The following TXNRD2 variants were observed in gnomAD, a reference collection of about 807,000 sequenced individuals.
TXNRD2 encodes thioredoxin reductase 2, mitochondrial.
Under a neutral mutation model 70.8 loss-of-function variants are expected in TXNRD2, and 67 were observed. The ratio of observed to expected loss-of-function variants is 0.95; its 90% CI spans 0.78 to 1.16. The LOEUF (loss-of-function observed/expected upper bound fraction) is 1.16. Among genes scored for constraint, TXNRD2 ranks in the 50% most tolerant of loss-of-function variants. TXNRD2 has a pLI of 0.00. For synonymous variants in TXNRD2, 301 were observed against 295.8 expected (o/e 1.02, Z -0.18); for missense variants, 644 against 719.9 (o/e 0.89, Z 1.21).
intron 2 of TXNRD2, among the ~76,000 whole-genome samples, chr22:19,920,968 G>A (rs184191789): frequency 4.9e-4 from 75 of 151,654 alleles, no homozygotes; most frequent in Admixed American, 1.0e-3. Context: ...TTAGTTGGGC[G>A]TGGTGGCAGG....
At chr22:19,916,663 ATCT>A (rs370028979) in intron 5 of TXNRD2, among the ~76,000 whole-genome samples, 5 of 138,512 alleles carry the variant, frequency 3.6e-5, no homozygotes, top group Middle Eastern at 4.1e-3. Context: ...TTTTAAAGAC[ATCT>A]TCTCACTCTG....
At chr22:19,933,730 G>GGT (rs1941447229) in intron 1 of TXNRD2, among the ~76,000 whole-genome samples, 1 of 152,200 alleles carries the variant, frequency 6.6e-6, no homozygotes, top group South Asian at 2.1e-4. Context: ...GTACCTCAAA[G>GGT]GTGGGTAGGG....
chr22:19,929,113 G>T (rs536518159), intron 2 of TXNRD2, among the ~76,000 whole-genome samples: 1 of 151,922 alleles, frequency 6.6e-6, no homozygotes, highest in Admixed American at 6.6e-5. Flanking sequence ...GGATCATGAG[G>T]TCAGGAGATT....
rs34776119 is a variant in TXNRD2 at position 19,918,345 on chromosome 22, G to T, written c.375-128C>A. The T allele has an allele frequency of 0.053, 46,028 of 868,078 alleles. 1,405 individuals carry two copies. The highest frequency in any genetic ancestry group is 0.064 in the Non-Finnish European group (35,025 of 545,672). 53.8% of individuals were successfully genotyped at this position (868,078 alleles called of 1,614,324 possible). The stretch of plus-strand genomic sequence containing the variant: ...AAAAAACAAGAGTGCTTTTAAAGGT[G>T]GCAAAACGTGACATCCATCCCTACG... On this transcript the variant is annotated intron_variant, in intron 4 of 17. Coordinates refer to ENST00000400521, the MANE Select transcript of TXNRD2 (RefSeq NM_006440.5).
chr22:19,937,691 T>C (rs971150713), intron 1 of TXNRD2, among the ~76,000 whole-genome samples: 2 of 152,254 alleles, frequency 1.3e-5, no homozygotes, highest in Non-Finnish European at 2.9e-5. Context: ...AACTTGGTCA[T>C]ACCCAAAAAA....
rs867293022 is a variant in TXNRD2 at position 19,904,448 on chromosome 22, A to C, written c.663-5380T>G. 3.3e-5 allele frequency among the ~76,000 whole-genome samples: 5 copies of C among 152,222 alleles called. No individual in the cohort carries two copies. The South Asian group carries it at 6.2e-4, about 19-fold the overall frequency. On this transcript the variant is annotated intron_variant, in intron 8 of 17. Coordinates refer to ENST00000400521, the MANE Select transcript of TXNRD2 (RefSeq NM_006440.5). ...GGCTCCCTAAGACCTGGATGCAAAC[A>C]AAGGAGGAAGGGGGCTCCCAACTTG...
At chr22:19,932,475 CA>C in intron 1 of TXNRD2, 5 of 1,592,878 alleles carry the variant, frequency 3.1e-6, no homozygotes, top group Non-Finnish European at 1.7e-6. Context: ...AAGGGGCAGC[CA>C]AAAAAGGGAG....
chr22:19,896,415 C>T (rs950017874), intron 10 of TXNRD2, among the ~76,000 whole-genome samples: 5 of 152,200 alleles, frequency 3.3e-5, no homozygotes, highest in African/African-American at 4.8e-5. Flanking sequence ...GGCAGAGAAG[C>T]GTGCCTTCCC....
intron 1 of TXNRD2, among the ~76,000 whole-genome samples, chr22:19,941,004 C>G (rs1569120647): frequency 6.6e-6 from 1 of 152,222 alleles, no homozygotes; most frequent in African/African-American, 2.4e-5. Flanking sequence ...CCCCTCTACA[C>G]TCACTGCCTG....
rs1938869540 is a variant in TXNRD2, at chr22:19,883,324, C to T, written c.1086+1G>A. 1 of 1,613,384 alleles carries T rather than the reference C, an allele frequency of 6.2e-7. No homozygotes were observed. Among genetic ancestry groups the T allele is most frequent in the Non-Finnish European group, 8.5e-7 (1 of 1,179,822 alleles). Reference sequence around the variant, plus strand: ...CCCTGGTCCCGGGACGCATGCCGTACCTCCACCACGTCACCAATGGCGTAG... The same window carrying T: ...CCCTGGTCCCGGGACGCATGCCGTATCTCCACCACGTCACCAATGGCGTAG... On this transcript the variant is annotated splice_donor_variant, in intron 12 of 17. Coordinates refer to ENST00000400521, the MANE Select transcript of TXNRD2 (RefSeq NM_006440.5). LOFTEE classifies it high-confidence loss of function.
chr22:19,918,303 A>C, intron 4 of TXNRD2, 86 bp from the exon 5 acceptor site: 1 of 1,189,822 alleles, frequency 8.4e-7, no homozygotes, highest in Non-Finnish European at 1.2e-6. Context: ...TTCAAATGGT[A>C]CATTCATAGA....
chr22:19,892,946 T>C (rs1425396741), intron 11 of TXNRD2, among the ~76,000 whole-genome samples: 1 of 152,234 alleles, frequency 6.6e-6, no homozygotes, highest in African/African-American at 2.4e-5. Flanking sequence ...GCTGAGAACA[T>C]TGCTCTTGCT....
intron 8 of TXNRD2, 34 bp downstream of exon 8, chr22:19,911,343 A>G: frequency 6.3e-7 from 1 of 1,575,476 alleles, no homozygotes; most frequent in Non-Finnish European, 8.7e-7. Flanking sequence ...TGGTGAACAA[A>G]AAGAGGACCC....
chr22:19,914,316 A>G (rs1940538601), intron 7 of TXNRD2, among the ~76,000 whole-genome samples: 1 of 152,244 alleles, frequency 6.6e-6, no homozygotes, highest in Admixed American at 6.5e-5. Flanking sequence ...CAGCGGCACT[A>G]TTCATAATAG....
At chr22:19,911,520 C>T (rs1212125226) in intron 7 of TXNRD2, 73 bp from the exon 8 acceptor site, 95 of 1,177,656 alleles carry the variant, frequency 8.1e-5, no homozygotes, top group Middle Eastern at 4.8e-4. Context: ...AAAGAGGATG[C>T]CAGCTTTGCA....
intron 11 of TXNRD2, chr22:19,887,164 A>G (rs1939068677): frequency 6.6e-6 from 1 of 152,158 alleles, no homozygotes; most frequent in Admixed American, 6.5e-5. Context: ...AGGCATCTTC[A>G]CCATGTTCCT....
At chr22:19,915,720 G>T in intron 6 of TXNRD2, 45 bp downstream of exon 6, 2 of 1,580,096 alleles carry the variant, frequency 1.3e-6, no homozygotes, top group Non-Finnish European at 8.7e-7. Context: ...CCCAAGGTCT[G>T]CAGAAGGGTC....
At chr22:19,900,705 G>A (rs1939737005) in intron 8 of TXNRD2, among the ~76,000 whole-genome samples, 1 of 151,572 alleles carries the variant, frequency 6.6e-6, no homozygotes, top group Non-Finnish European at 1.5e-5. Context: ...AGCCAAGATC[G>A]TGTCACTGCA....
chr22:19,903,852 T>C (rs1224295531), intron 8 of TXNRD2, among the ~76,000 whole-genome samples: 2 of 152,218 alleles, frequency 1.3e-5, no homozygotes, highest in Admixed American at 6.5e-5. Flanking sequence ...AGCCTAGTCA[T>C]TTGGGGTCAC....
Sources: allele counts gnomAD v4.1 joint callset (sites outside exome capture counted in the v4.1 genomes callset), GRCh38; gene constraint gnomAD v4.1.1; transcripts MANE v1.5; gene names NCBI Gene and HGNC (gene_info 2026-07-23, HGNC 2026-07-21).